The following KLF8 variants were observed in gnomAD, a reference collection of about 807,000 sequenced individuals.
The protein encoded by KLF8 is KLF transcription factor 8.
Under a neutral mutation model 18.2 loss-of-function variants are expected in KLF8, and 10 were observed. The observed-to-expected ratio is 0.55, with a 90% CI of 0.34 to 0.93. The LOEUF is 0.93. KLF8 is among the 40% of genes least tolerant of loss of function. KLF8 has a pLI of 0.02. For missense variants in KLF8, 264 were observed against 277.9 expected, an observed-to-expected ratio of 0.95 and a Z score of 0.36; for synonymous variants, 109 against 97.3, an observed-to-expected ratio of 1.12 and a Z score of -0.71.
At chrX:56,231,878 C>A (rs2066405666), upstream of KLF8, among the ~76,000 whole-genome samples, 1 of 110,522 alleles carries the variant, frequency 9.0e-6, no homozygotes, top group Non-Finnish European at 1.9e-5. Flanking sequence ...TCAACTCCTT[C>A]TTCTTCCCCA....
chrX:55,957,048 A>G, the KLF8 span, among the ~76,000 whole-genome samples: 1 of 110,668 alleles, frequency 9.0e-6, no homozygotes, highest in Admixed American at 9.7e-5. Context: ...TCTTTGATCC[A>G]TTTTGAATTA....
At chrX:56,245,745 C>T (rs1019069986) in intron 1 of KLF8, among the ~76,000 whole-genome samples, 7 of 112,418 alleles carry the variant, frequency 6.2e-5, no homozygotes, top group African/African-American at 2.3e-4. Flanking sequence ...GCCATATATA[C>T]TATAACCCCC....
the KLF8 span, among the ~76,000 whole-genome samples, chrX:56,113,282 T>G: frequency 9.1e-6 from 1 of 109,977 alleles, no homozygotes; most frequent in Non-Finnish European, 1.9e-5. Flanking sequence ...TATTTTTTCC[T>G]GTAAATAGGC....
the KLF8 span, among the ~76,000 whole-genome samples, chrX:56,057,990 T>G: frequency 2.9e-5 from 3 of 104,955 alleles, no homozygotes; most frequent in African/African-American, 1.0e-4. Context: ...TTTGAACTCA[T>G]GCATTCTTCT....
At chrX:56,126,528 A>C in the KLF8 span, among the ~76,000 whole-genome samples, 1 of 110,929 alleles carries the variant, frequency 9.0e-6, no homozygotes, top group Non-Finnish European at 1.9e-5. Context: ...GGCTTCCCAT[A>C]TTATTCAAAC....
the KLF8 span, among the ~76,000 whole-genome samples, chrX:55,912,691 T>C: frequency 9.0e-6 from 1 of 110,932 alleles, no homozygotes; most frequent in African/African-American, 3.3e-5. Context: ...ATCAGTTAGG[T>C]TCCTTCTCTC....
chrX:56,187,100 G>T, the KLF8 span, among the ~76,000 whole-genome samples: 5 of 111,174 alleles, frequency 4.5e-5, no homozygotes, highest in Non-Finnish European at 9.4e-5. Flanking sequence ...TTTTTGAAAG[G>T]ATCAACAAAA....
the KLF8 span, among the ~76,000 whole-genome samples, chrX:56,053,684 G>A: frequency 1.8e-5 from 2 of 108,622 alleles, no homozygotes; most frequent in South Asian, 8.0e-4. Context: ...CACTTTTGGT[G>A]CTCATTATTG....
chrX:55,925,497 C>A, the KLF8 span, among the ~76,000 whole-genome samples: 1 of 111,211 alleles, frequency 9.0e-6, no homozygotes, highest in African/African-American at 3.3e-5. Context: ...ACATGCCAGG[C>A]ACCATGCCAA....
chrX:55,990,154 G>T, the KLF8 span, among the ~76,000 whole-genome samples: 3 of 111,579 alleles, frequency 2.7e-5, no homozygotes, highest in Admixed American at 1.9e-4. Flanking sequence ...CAAAAAACCA[G>T]CTCCTGGATT....
chrX:56,182,743 C>A, the KLF8 span, among the ~76,000 whole-genome samples: 1 of 112,467 alleles, frequency 8.9e-6, no homozygotes. Context: ...CCCTCCAGAC[C>A]CTGTTTGCCT....
the KLF8 span, among the ~76,000 whole-genome samples, chrX:55,946,216 T>C: frequency 2.7e-5 from 3 of 111,628 alleles, no homozygotes; most frequent in Non-Finnish European, 3.8e-5. Context: ...GGAAGCATCA[T>C]GCTACCTGAC....
the KLF8 span, among the ~76,000 whole-genome samples, chrX:56,153,883 G>A: frequency 0.011 from 1,269 of 111,139 alleles, 6 homozygotes; most frequent in Non-Finnish European, 0.019. Context: ...GGGATGTGAA[G>A]GACCTCTTCA....
At chrX:56,204,586 G>T in the KLF8 span, among the ~76,000 whole-genome samples, 1 of 110,853 alleles carries the variant, frequency 9.0e-6, no homozygotes, top group Non-Finnish European at 1.9e-5. Context: ...TTATGTTGAG[G>T]TATGTTACTT....
At chrX:56,076,964 C>A in the KLF8 span, among the ~76,000 whole-genome samples, 2 of 111,721 alleles carry the variant, frequency 1.8e-5, no homozygotes, top group African/African-American at 3.3e-5. Flanking sequence ...TGTTCATGTC[C>A]TTTGCCCACT....
At chrX:56,146,753 A>G in the KLF8 span, among the ~76,000 whole-genome samples, 2 of 111,572 alleles carry the variant, frequency 1.8e-5, no homozygotes, top group Non-Finnish European at 3.8e-5. Flanking sequence ...GAGGTACAAG[A>G]TAGTCTGTGA....
In KLF8 at chrX:56,260,758, A is replaced by G. The variant is rs779705082; in HGVS notation, c.82-4422A>G. On this transcript the variant is annotated intron_variant, in intron 2 of 5. Coordinates refer to ENST00000468660, the MANE Select transcript of KLF8 (RefSeq NM_007250.5). ...ATGAATGTGTACAATACATGTGTGC[A>G]TATGTATCCAGGCATAAAACTAATT... 8.9e-5 allele frequency among the ~76,000 whole-genome samples: 10 copies of G among 112,358 alleles called. No individual in the cohort carries two copies. In the South Asian group the frequency reaches 2.6e-3, roughly 29 times the overall value.
At chrX:55,989,985 T>C in the KLF8 span, among the ~76,000 whole-genome samples, 1 of 112,104 alleles carries the variant, frequency 8.9e-6, no homozygotes, top group Non-Finnish European at 1.9e-5. Flanking sequence ...TCTAGTTTAT[T>C]TGCCTAGAGG....
the KLF8 span, among the ~76,000 whole-genome samples, chrX:55,935,950 T>A: frequency 8.9e-6 from 1 of 112,284 alleles, no homozygotes; most frequent in Non-Finnish European, 1.9e-5. Context: ...GCTTGAAGCA[T>A]ATTTATAATA....
Sources: allele counts gnomAD v4.1 joint callset (sites outside exome capture counted in the v4.1 genomes callset), GRCh38; gene constraint gnomAD v4.1.1; transcripts MANE v1.5; gene names NCBI Gene and HGNC (gene_info 2026-07-23, HGNC 2026-07-21).